Variants in KCNK18 observed in about 807,000 individuals in gnomAD.
KCNK18 encodes potassium two pore domain channel subfamily K member 18, also known as potassium channel subfamily K member 18.
KCNK18 carries 8 observed loss-of-function variants against 11.8 expected under a neutral mutation model. That is an observed-to-expected ratio of 0.68 (90% CI 0.40 to 1.22). The LOEUF is 1.22. KCNK18 is among the 50% of genes most tolerant of loss of function. The probability of loss-of-function intolerance (pLI) is 0.01; values close to 1 mark genes in which losing one functional copy is unlikely to be tolerated. For missense variants in KCNK18, 442 were observed against 465.4 expected, an observed-to-expected ratio of 0.95 and a Z score of 0.46; for synonymous variants, 208 against 185.8, an observed-to-expected ratio of 1.12 and a Z score of -0.97.
chr10:117,208,589 A>C (rs142301175), intron 2 of KCNK18, among the ~76,000 whole-genome samples: 60 of 152,312 alleles, frequency 3.9e-4, no homozygotes, highest in Non-Finnish European at 7.8e-4. Flanking sequence ...CTAATCTGCT[A>C]AGCCACAAAT....
At chr10:117,198,970 C>G (rs1854982641) in intron 1 of KCNK18, among the ~76,000 whole-genome samples, 1 of 152,200 alleles carries the variant, frequency 6.6e-6, no homozygotes, top group African/African-American at 2.4e-5. Context: ...TCCCCAGGCT[C>G]TTCTCCAAAC....
At chr10:117,199,054 A>G (rs1854983544) in intron 1 of KCNK18, among the ~76,000 whole-genome samples, 1 of 152,252 alleles carries the variant, frequency 6.6e-6, no homozygotes, top group Non-Finnish European at 1.5e-5. Context: ...ATGGTGGCTC[A>G]TGCCCATAAT....
chr10:117,201,196 G>T lies in KCNK18; in HGVS notation c.261G>T (p.Leu87=). ...GAAAACAGGATCTCCAGGGGCATCTGCAGAAGGTGAAGCCTCAGTGGTTTA... is the reference window on the plus strand; with the variant it reads ...GAAAACAGGATCTCCAGGGGCATCTTCAGAAGGTGAAGCCTCAGTGGTTTA... ...EDRKQDLQGH[L]QKVKPQWFNR... is the part of the protein sequence containing the mutation. Residue 87 remains leucine, a synonymous_variant, in exon 2 of 3, where the codon CTG becomes CTT. Coordinates refer to ENST00000334549, the MANE Select transcript of KCNK18 (RefSeq NM_181840.1). 1 of 1,614,214 alleles carries T rather than the reference G, an allele frequency of 6.2e-7. No individual in the cohort carries two copies. The highest frequency in any genetic ancestry group is 8.5e-7 in the Non-Finnish European group (1 of 1,180,020).
In KCNK18 at chr10:117,197,495, G is replaced by C; in HGVS notation, c.7G>C (p.Val3Leu). Reference protein sequence around the residue: MEVSGHPQARRCC... With the variant: MELSGHPQARRCC... Reference sequence around the variant, plus strand: ...CCTGCATGCTTCAGGGACGATGGAGGTCTCGGGGCACCCCCAGGCCAGGAG... The same window carrying C: ...CCTGCATGCTTCAGGGACGATGGAGCTCTCGGGGCACCCCCAGGCCAGGAG... Residue 3 changes from valine (V) to leucine (L), a missense_variant, in exon 1 of 3, where the codon GTC becomes CTC. By Grantham distance (32) the Val-to-Leu change is conservative. Transcript: ENST00000334549. 1 of 1,612,766 alleles carries C rather than the reference G, an allele frequency of 6.2e-7. No homozygotes were observed. The highest frequency in any genetic ancestry group is 1.1e-5 in the South Asian group (1 of 91,036).
At chr10:117,198,016 G>A (rs2133700462) in intron 1 of KCNK18, among the ~76,000 whole-genome samples, 1 of 152,286 alleles carries the variant, frequency 6.6e-6, no homozygotes, top group South Asian at 2.1e-4. Flanking sequence ...CAGACCAGTG[G>A]CCTCAGGGGA....
chr10:117,201,368 G>A, intron 2 of KCNK18, 81 bp downstream of exon 2: 1 of 1,452,758 alleles, frequency 6.9e-7, no homozygotes, highest in Admixed American at 1.7e-5. Flanking sequence ...TGGAATTGGG[G>A]TGTGGAGATG....
At chr10:117,204,283 A>AG (rs1455520644) in intron 2 of KCNK18, among the ~76,000 whole-genome samples, 1 of 151,024 alleles carries the variant, frequency 6.6e-6, no homozygotes, top group South Asian at 2.1e-4. Context: ...AAAAAAAAAA[A>AG]AAAGAAAAAA....
chr10:117,198,905 C>T (rs551347756), intron 1 of KCNK18, among the ~76,000 whole-genome samples: 84 of 152,218 alleles, frequency 5.5e-4, no homozygotes, highest in Non-Finnish European at 1.1e-3. Flanking sequence ...AAGTTCAAGG[C>T]TCTCTAAGCC....
At chr10:117,206,381 C>T (rs934578906) in intron 2 of KCNK18, among the ~76,000 whole-genome samples, 1 of 152,154 alleles carries the variant, frequency 6.6e-6, no homozygotes, top group Non-Finnish European at 1.5e-5. Flanking sequence ...TGCTCAGCCT[C>T]TCCCTTATCA....
intron 2 of KCNK18, among the ~76,000 whole-genome samples, chr10:117,206,811 G>T (rs1241056275): frequency 6.6e-6 from 1 of 152,156 alleles, no homozygotes; most frequent in African/African-American, 2.4e-5. Context: ...GTGCACGGAG[G>T]CTAGGTTTCA....
intron 1 of KCNK18, among the ~76,000 whole-genome samples, chr10:117,198,414 C>T (rs1443302243): frequency 6.6e-6 from 1 of 152,210 alleles, no homozygotes; most frequent in South Asian, 2.1e-4. Context: ...CAATCTCAGA[C>T]TTGGTGGTCA....
intron 2 of KCNK18, among the ~76,000 whole-genome samples, chr10:117,207,262 C>T (rs1212751709): frequency 1.3e-5 from 2 of 152,164 alleles, no homozygotes; most frequent in East Asian, 1.9e-4. Flanking sequence ...CTCCTGACCT[C>T]ATATGATCTG....
In KCNK18 at chr10:117,201,190, G is replaced by A; in HGVS notation, c.255G>A (p.Gly85=). 1.2e-6 allele frequency: 2 copies of A among 1,614,172 alleles called. No homozygotes were observed. The highest frequency in any genetic ancestry group is 1.7e-6 in the Non-Finnish European group (2 of 1,180,022). The change falls in exon 2 of 3, where the codon GGG becomes GGA. Residue 85 remains glycine, a synonymous_variant. Transcript: ENST00000334549. ...VVEDRKQDLQ[G]HLQKVKPQWF... Reference sequence around the variant, plus strand: ...AAGACAGAAAACAGGATCTCCAGGGGCATCTGCAGAAGGTGAAGCCTCAGT... The same window carrying A: ...AAGACAGAAAACAGGATCTCCAGGGACATCTGCAGAAGGTGAAGCCTCAGT...
At chr10:117,204,711 T>C (rs777837470) in intron 2 of KCNK18, among the ~76,000 whole-genome samples, 63 of 152,174 alleles carry the variant, frequency 4.1e-4, no homozygotes, top group Non-Finnish European at 8.1e-4. Context: ...GTGATTCTGA[T>C]GTGTGCTAAT....
chr10:117,201,965 C>T (rs532797504), intron 2 of KCNK18, among the ~76,000 whole-genome samples: 24 of 152,324 alleles, frequency 1.6e-4, no homozygotes, highest in African/African-American at 5.8e-4. Context: ...CCAAACCAGG[C>T]CAGGCAGGAG....
intron 2 of KCNK18, among the ~76,000 whole-genome samples, chr10:117,207,064 C>T (rs1312822580): frequency 1.3e-5 from 2 of 151,990 alleles, no homozygotes; most frequent in Non-Finnish European, 2.9e-5. Flanking sequence ...AGTCTCGCTC[C>T]GTTGCCCAGG....
chr10:117,202,439 C>T (rs138355587), intron 2 of KCNK18, among the ~76,000 whole-genome samples: 1 of 152,336 alleles, frequency 6.6e-6, no homozygotes, highest in East Asian at 1.9e-4. Context: ...GTGAGGACAG[C>T]TCTAGGCTGA....
intron 2 of KCNK18, 56 bp from the exon 3 acceptor site, chr10:117,209,441 G>T (rs1419471386): frequency 2.0e-5 from 29 of 1,420,194 alleles, no homozygotes; most frequent in Non-Finnish European, 2.3e-5. Context: ...TAAAGCTTTT[G>T]GGGGGAAAAA....
chr10:117,203,724 A>G (rs528709442), intron 2 of KCNK18, among the ~76,000 whole-genome samples: 1 of 152,172 alleles, frequency 6.6e-6, no homozygotes, highest in East Asian at 1.9e-4. Context: ...TTTAGTAGAG[A>G]TGGGGTTTCA....
Sources: allele counts gnomAD v4.1 joint callset (sites outside exome capture counted in the v4.1 genomes callset), GRCh38; gene constraint gnomAD v4.1.1; transcripts MANE v1.5; gene names NCBI Gene and HGNC (gene_info 2026-07-23, HGNC 2026-07-21).